The following CCNG1 variants were observed in gnomAD, a reference collection of about 807,000 sequenced individuals.
CCNG1 encodes the protein cyclin-G1.
In CCNG1, 13 loss-of-function variants were observed where a neutral mutation model predicts 30.0. The observed-to-expected ratio is 0.43, with a 90% CI of 0.28 to 0.69. The LOEUF (loss-of-function observed/expected upper bound fraction) is 0.69, where lower values mean the gene tolerates loss of function less well. Ranked by LOEUF, CCNG1 falls within the 30% of genes least tolerant of loss-of-function variation. The pLI is 0.16. For missense variants in CCNG1, 285 were observed against 331.4 expected (o/e 0.86, Z 1.09); for synonymous variants, 110 against 121.5 (o/e 0.91, Z 0.62).
chr5:163,456,980 C>G, the CCNG1 span: 1 of 1,612,760 alleles, frequency 6.2e-7, no homozygotes, highest in Non-Finnish European at 8.5e-7. Context: ...GGTCTTGCAC[C>G]CAAGGATCCG....
In CCNG1 at chr5:163,444,426, T is replaced by C. The variant is rs1396884561; in HGVS notation, c.*756T>C. ...TCCCATCAAGAAAACTAGTTTCTAT[T>C]GTATTAGTAACTCAAAATAAATTAT... On this transcript the variant is annotated 3_prime_UTR_variant, in exon 7 of 7. Transcript: ENST00000340828. The C allele has an allele frequency of 6.6e-6, 1 of 152,664 alleles. No individual in the cohort carries two copies. The highest frequency in any genetic ancestry group is 2.4e-5 in the African/African-American group (1 of 41,468). 9.5% of individuals were successfully genotyped at this position (152,664 alleles called of 1,614,324 possible). A position where few individuals can be genotyped will look rare whatever the true frequency, so the allele number is the denominator to read the frequency against.
At chr5:163,439,174 T>C in intron 1 of CCNG1, 83 bp from the exon 2 acceptor site, 2 of 1,225,862 alleles carry the variant, frequency 1.6e-6, no homozygotes, top group South Asian at 1.4e-5. Flanking sequence ...TATAAATCAT[T>C]TCTTGGCCCA....
rs779215116 is a variant in CCNG1 at position 163,441,263 on chromosome 5, AGCT to A, written c.451_453del (p.Ala151del). 6 of 1,613,916 alleles carry A rather than the reference AGCT, an allele frequency of 3.7e-6. No individual in the cohort carries two copies. In the Admixed American group the frequency reaches 1.0e-4, roughly 27 times the overall value. On this transcript the variant is annotated inframe_deletion, in exon 3 of 7. Coordinates refer to ENST00000340828, the MANE Select transcript of CCNG1 (RefSeq NM_004060.4). ...TGGAGAAGGTGTGTTGGAAAGTCAAAGCTACTACTGCCTTTCAATTTCTGCAAC... is the reference window on the plus strand; with the variant it reads ...TGGAGAAGGTGTGTTGGAAAGTCAAAACTACTGCCTTTCAATTTCTGCAAC...
the CCNG1 span, chr5:163,452,715 A>G: frequency 6.6e-6 from 1 of 152,210 alleles, no homozygotes; most frequent in Non-Finnish European, 1.5e-5. Flanking sequence ...TTAAACAATG[A>G]CAGGATGCAC....
At chr5:163,456,971 G>C in the CCNG1 span, 1 of 1,612,092 alleles carries the variant, frequency 6.2e-7, no homozygotes, top group Non-Finnish European at 8.5e-7. Context: ...TCTGCATTTG[G>C]TCTTGCACCC....
At chr5:163,452,079 C>A in the CCNG1 span, 1 of 150,466 alleles carries the variant, frequency 6.6e-6, no homozygotes, top group Non-Finnish European at 1.5e-5. Flanking sequence ...CACAAATAAT[C>A]AAATAGGAAT....
downstream of CCNG1, chr5:163,445,763 TG>T (rs1422055895): frequency 7.2e-5 from 11 of 152,026 alleles, no homozygotes; most frequent in African/African-American, 2.7e-4. Flanking sequence ...TAGCCTCTAA[TG>T]TTTTTTTAAT....
At chr5:163,455,422 C>T in the CCNG1 span, among the ~76,000 whole-genome samples, 4 of 152,198 alleles carry the variant, frequency 2.6e-5, no homozygotes, top group African/African-American at 4.8e-5. Context: ...CGAGAAATGA[C>T]TTGCAGAGTT....
At chr5:163,447,234 T>G (rs1385546531), downstream of CCNG1, 2 of 152,722 alleles carry the variant, frequency 1.3e-5, no homozygotes, top group African/African-American at 2.4e-5. Flanking sequence ...GGAGGATTGC[T>G]TGAGGCCAAG....
chr5:163,452,570 C>G, the CCNG1 span: 11 of 151,988 alleles, frequency 7.2e-5, no homozygotes, highest in Non-Finnish European at 4.4e-5. Flanking sequence ...AAAGTCTGAT[C>G]AGAAACAAGG....
the CCNG1 span, chr5:163,457,446 C>A: frequency 1.4e-6 from 1 of 705,260 alleles, no homozygotes; most frequent in Admixed American, 2.5e-5. Context: ...GTTTTCAACA[C>A]ATTTCTATTG....
intron 4 of CCNG1, 38 bp downstream of exon 4, chr5:163,442,002 CTG>C (rs1757838244): frequency 1.3e-6 from 2 of 1,579,312 alleles, no homozygotes; most frequent in Non-Finnish European, 1.7e-6. Context: ...TTGATATGAT[CTG>C]TTTTTATATT....
At position 163,441,972 on chromosome 5, in the gene CCNG1, T is replaced by C. The variant is rs368978562; in HGVS notation, c.597+8T>C. ...ATATTTTCTAAAGCAAAGGTAAATA[T>C]TTTATAAAGATTATGCCTATTGATA... is the stretch of plus-strand genomic sequence containing the variant. On this transcript the variant is annotated splice_region_variant and intron_variant, in intron 4 of 6. Coordinates refer to ENST00000340828, the MANE Select transcript of CCNG1 (RefSeq NM_004060.4). 5.2e-5 allele frequency: 83 copies of C among 1,600,532 alleles called. No homozygotes were observed. The African/African-American group carries it at 1.1e-3, about 21-fold the overall frequency.
downstream of CCNG1, chr5:163,445,152 CAAT>C (rs1175333787): frequency 1.3e-5 from 2 of 151,950 alleles, no homozygotes; most frequent in Non-Finnish European, 2.9e-5. Flanking sequence ...GTACCAGAAA[CAAT>C]AAAATCCCTA....
At chr5:163,441,736 G>A (rs1405331404) in intron 3 of CCNG1, 150 bp from the exon 4 acceptor site, 1 of 603,274 alleles carries the variant, frequency 1.7e-6, no homozygotes, top group Non-Finnish European at 2.9e-6. Context: ...TAGTATCTCT[G>A]ATGGAAGGGG....
At chr5:163,457,120 T>TA in the CCNG1 span, 7 of 1,530,176 alleles carry the variant, frequency 4.6e-6, no homozygotes, top group Admixed American at 1.3e-4. Flanking sequence ...ACAAATAAAT[T>TA]AGAGTTCTTC....
At position 163,441,275 on chromosome 5, in the gene CCNG1, C is replaced by T; in HGVS notation, c.462C>T (p.Ala154=). ...KVCWKVKATT[A]FQFLQLYYSL... is the part of the protein sequence containing the mutation. ...GTTGGAAAGTCAAAGCTACTACTGC[C>T]TTTCAATTTCTGCAACTGTATTATT... Residue 154 remains alanine, a synonymous_variant, in exon 3 of 7, where the codon GCC becomes GCT. Transcript: ENST00000340828. 1 of 1,613,938 alleles carries T rather than the reference C, an allele frequency of 6.2e-7. No homozygotes were observed. Among genetic ancestry groups the T allele is most frequent in the Non-Finnish European group, 8.5e-7 (1 of 1,179,824 alleles).
chr5:163,451,098 GA>G (rs1046050553), downstream of CCNG1: 1 of 152,184 alleles, frequency 6.6e-6, no homozygotes, highest in African/African-American at 2.4e-5. Flanking sequence ...TCTATGAGAT[GA>G]AAAGAGGTAG....
At chr5:163,447,969 C>T (rs1461311482), downstream of CCNG1, 1 of 152,036 alleles carries the variant, frequency 6.6e-6, no homozygotes, top group Non-Finnish European at 1.5e-5. Flanking sequence ...AAAAAGTTCT[C>T]AAATTAACAC....
Sources: allele counts gnomAD v4.1 joint callset (sites outside exome capture counted in the v4.1 genomes callset), GRCh38; gene constraint gnomAD v4.1.1; transcripts MANE v1.5; gene names NCBI Gene and HGNC (gene_info 2026-07-23, HGNC 2026-07-21).